RCL1: variants seen among roughly 807,000 people sequenced by gnomAD.
RCL1 encodes the protein RNA 3'-terminal phosphate cyclase-like protein.
RCL1 carries 24 observed loss-of-function variants against 42.4 expected under a neutral mutation model. The observed-to-expected ratio is 0.57, with a 90% CI of 0.41 to 0.80. RCL1 has a LOEUF of 0.80. Ranked by LOEUF, RCL1 falls within the 30% of genes least tolerant of loss-of-function variation. The probability of loss-of-function intolerance (pLI) is 0.00; values close to 1 mark genes in which losing one functional copy is unlikely to be tolerated. For synonymous variants in RCL1, 228 were observed against 177.3 expected (o/e 1.29, Z -2.27); for missense variants, 578 against 467.9 (o/e 1.24, Z -2.17).
At chr9:4,843,310 C>A (rs1260957995) in intron 6 of RCL1, among the ~76,000 whole-genome samples, 6 of 152,048 alleles carry the variant, frequency 3.9e-5, no homozygotes, top group Non-Finnish European at 8.8e-5. Context: ...TTCTTGGTGG[C>A]CTATGTCAGC....
chr9:4,834,428 G>A (rs1402030356), intron 5 of RCL1, among the ~76,000 whole-genome samples, 163 bp downstream of exon 5: 5 of 147,750 alleles, frequency 3.4e-5, no homozygotes, highest in African/African-American at 1.2e-4. Flanking sequence ...GAGTTAGGAT[G>A]TTCTGTTATC....
intron 2 of RCL1, 33 bp from the exon 3 acceptor site, chr9:4,826,825 T>G (rs1188924349): frequency 1.9e-6 from 3 of 1,566,648 alleles, no homozygotes; most frequent in African/African-American, 2.8e-5. Flanking sequence ...GTTTTTTTCC[T>G]GCTGAATGTG....
intron 3 of RCL1, among the ~76,000 whole-genome samples, chr9:4,827,953 G>A (rs938311523): frequency 3.3e-5 from 5 of 152,014 alleles, no homozygotes; most frequent in East Asian, 1.9e-4. Flanking sequence ...TTGGGAGGCC[G>A]AGGCGGGCAG....
chr9:4,806,014 T>TGG (rs753421594), intron 1 of RCL1, among the ~76,000 whole-genome samples: 25 of 99,336 alleles, frequency 2.5e-4, no homozygotes, highest in East Asian at 8.5e-4. Context: ...GAAATACCAT[T>TGG]GGGGTGTGTG....
At chr9:4,842,127 T>C (rs138853467) in intron 6 of RCL1, among the ~76,000 whole-genome samples, 1 of 152,340 alleles carries the variant, frequency 6.6e-6, no homozygotes, top group African/African-American at 2.4e-5. Flanking sequence ...TTTTGTTTGT[T>C]TTTGTTTTTT....
chr9:4,814,329 G>A (rs1424382663), intron 1 of RCL1, among the ~76,000 whole-genome samples: 1 of 151,878 alleles, frequency 6.6e-6, no homozygotes, highest in South Asian at 2.1e-4. Flanking sequence ...TGTTGCCCAC[G>A]CTGAAGTGCA....
chr9:4,799,620 T>A (rs1352582037), intron 1 of RCL1, among the ~76,000 whole-genome samples: 2 of 152,234 alleles, frequency 1.3e-5, no homozygotes, highest in Non-Finnish European at 1.5e-5. Flanking sequence ...TTTTGTCATT[T>A]GAAGACTGCT....
intron 1 of RCL1, among the ~76,000 whole-genome samples, chr9:4,809,231 T>C (rs1255036889): frequency 1.3e-5 from 2 of 152,222 alleles, no homozygotes; most frequent in Non-Finnish European, 2.9e-5. Context: ...AGTAAAGTTT[T>C]CTTACATATA....
intron 1 of RCL1, among the ~76,000 whole-genome samples, chr9:4,814,793 T>A (rs773238350): frequency 6.6e-6 from 1 of 152,206 alleles, no homozygotes; most frequent in East Asian, 1.9e-4. Context: ...CTTGAGCATT[T>A]CTTGTAAGGC....
intron 1 of RCL1, among the ~76,000 whole-genome samples, chr9:4,805,918 T>G (rs1815934815): frequency 6.6e-6 from 1 of 152,182 alleles, no homozygotes; most frequent in African/African-American, 2.4e-5. Flanking sequence ...GTTAGAATTG[T>G]TTGTAAATAT....
chr9:4,815,944 G>T (rs568438905), intron 1 of RCL1, among the ~76,000 whole-genome samples: 1 of 152,088 alleles, frequency 6.6e-6, no homozygotes, highest in South Asian at 2.1e-4. Context: ...GGATTGGGGT[G>T]ATAGAAGCTT....
At chr9:4,854,755 C>G (rs1178325392) in intron 8 of RCL1, among the ~76,000 whole-genome samples, 1 of 152,054 alleles carries the variant, frequency 6.6e-6, no homozygotes, top group Non-Finnish European at 1.5e-5. Context: ...AACAACTCAC[C>G]TTTTGAAAAT....
intron 1 of RCL1, among the ~76,000 whole-genome samples, chr9:4,814,243 T>TAAAA (rs1816290380): frequency 6.7e-6 from 1 of 150,020 alleles, no homozygotes; most frequent in East Asian, 1.9e-4. Flanking sequence ...GTTCTTTCTA[T>TAAAA]ACCTAACGTA....
At chr9:4,823,257 T>C (rs1258576313) in intron 1 of RCL1, among the ~76,000 whole-genome samples, 1 of 151,182 alleles carries the variant, frequency 6.6e-6, no homozygotes, top group Admixed American at 6.6e-5. Flanking sequence ...GAAAGTAATA[T>C]CCCATTAGAT....
intron 1 of RCL1, among the ~76,000 whole-genome samples, chr9:4,799,044 C>G (rs564376565): frequency 3.5e-4 from 42 of 118,660 alleles, no homozygotes; most frequent in Non-Finnish European, 5.6e-4. Context: ...CCCCTTCCCC[C>G]CTCTCTCCCT....
chr9:4,824,651 C>A (rs1170499565), intron 2 of RCL1, among the ~76,000 whole-genome samples: 1 of 152,154 alleles, frequency 6.6e-6, no homozygotes, highest in African/African-American at 2.4e-5. Context: ...ACACATTCCA[C>A]AAATAAATCT....
intron 8 of RCL1, among the ~76,000 whole-genome samples, chr9:4,853,787 C>A (rs1455070475): frequency 7.1e-6 from 1 of 141,354 alleles, no homozygotes; most frequent in East Asian, 2.0e-4. Context: ...CTAAAATAAA[C>A]CGTGACTTTT....
At chr9:4,827,885 A>G (rs1816818458) in intron 3 of RCL1, among the ~76,000 whole-genome samples, 1 of 151,952 alleles carries the variant, frequency 6.6e-6, no homozygotes, top group Admixed American at 6.6e-5. Context: ...GTCAGAGAAG[A>G]TATCTTAAAG....
chr9:4,822,926 T>C (rs10974802), intron 1 of RCL1, among the ~76,000 whole-genome samples: 1 of 152,268 alleles, frequency 6.6e-6, no homozygotes, highest in East Asian at 1.9e-4. Context: ...TATTTTCTCA[T>C]GCATTAAAAA....
Sources: gnomAD v4.1 joint callset for allele counts (sites outside exome capture counted in the v4.1 genomes callset) on GRCh38, gnomAD v4.1.1 for gene constraint, MANE v1.5 for transcripts, NCBI Gene and HGNC (gene_info 2026-07-23, HGNC 2026-07-21) for gene names.